Variants in PRKDC observed in about 807,000 individuals in gnomAD.
PRKDC encodes the protein DNA-dependent protein kinase catalytic subunit.
Under a neutral mutation model 486.9 loss-of-function variants are expected in PRKDC, and 82 were observed. That is an observed-to-expected ratio of 0.17 (90% confidence interval 0.14 to 0.20). PRKDC has a LOEUF of 0.20. Ranked by LOEUF, PRKDC falls within the 10% of genes least tolerant of loss-of-function variation. The pLI, the probability that PRKDC is intolerant of heterozygous loss-of-function variation, is 1.00. For synonymous variants in PRKDC, 1,895 were observed against 1,837.0 expected, an observed-to-expected ratio of 1.03 and a Z score of -0.81; for missense variants, 4,504 against 5,038.2, an observed-to-expected ratio of 0.89 and a Z score of 3.21.
At chr8:47,818,832 A>G (rs2087514202) in intron 67 of PRKDC, among the ~76,000 whole-genome samples, 1 of 152,244 alleles carries the variant, frequency 6.6e-6, no homozygotes, top group Non-Finnish European at 1.5e-5. Context: ...TTAACAAACA[A>G]AACATTTTAC....
At chr8:47,791,982 G>A (rs956185826) in intron 74 of PRKDC, among the ~76,000 whole-genome samples, 3 of 152,094 alleles carry the variant, frequency 2.0e-5, no homozygotes, top group Non-Finnish European at 4.4e-5. Context: ...AGAAAATGCA[G>A]TACATACATG....
intron 64 of PRKDC, among the ~76,000 whole-genome samples, chr8:47,822,682 C>A (rs529901697): frequency 6.6e-6 from 1 of 151,686 alleles, no homozygotes; most frequent in South Asian, 2.1e-4. Context: ...CCCAGCTACT[C>A]GGGAGGCTGA....
At chr8:47,955,799 A>C in intron 4 of PRKDC, 75 bp downstream of exon 4, 1 of 1,233,510 alleles carries the variant, frequency 8.1e-7, no homozygotes, top group South Asian at 1.4e-5. Context: ...CACCCAAAAC[A>C]CAACTCAAAA....
intron 21 of PRKDC, among the ~76,000 whole-genome samples, chr8:47,919,391 A>G (rs901567930): frequency 3.9e-5 from 6 of 152,358 alleles, no homozygotes; most frequent in Admixed American, 3.9e-4. Flanking sequence ...AACCAGTTGT[A>G]ACATTTTACT....
intron 73 of PRKDC, among the ~76,000 whole-genome samples, chr8:47,796,196 C>G (rs2154498053): frequency 6.6e-6 from 1 of 151,982 alleles, no homozygotes; most frequent in African/African-American, 2.4e-5. Context: ...AAGAATTTTT[C>G]AAATTTTCAT....
At chr8:47,853,067 CAGAA>C (rs2088448368) in intron 51 of PRKDC, among the ~76,000 whole-genome samples, 2 of 152,198 alleles carry the variant, frequency 1.3e-5, no homozygotes, top group South Asian at 2.1e-4. Flanking sequence ...GGTGCAGTGA[CAGAA>C]AGAGCTACTA....
chr8:47,903,102 AG>A (rs1219754114), intron 26 of PRKDC, among the ~76,000 whole-genome samples: 15 of 152,232 alleles, frequency 9.9e-5, no homozygotes, highest in Admixed American at 9.8e-4. Context: ...CTGAAAAAAA[AG>A]AAAATGGCTA....
intron 40 of PRKDC, among the ~76,000 whole-genome samples, chr8:47,868,989 T>G (rs1358609189): frequency 1.3e-5 from 2 of 152,158 alleles, no homozygotes; most frequent in African/African-American, 4.8e-5. Flanking sequence ...CCAGCCCTAA[T>G]CAGAAGCAAA....
At chr8:47,833,702 C>T (rs533117154) in intron 59 of PRKDC, among the ~76,000 whole-genome samples, 8 of 152,292 alleles carry the variant, frequency 5.3e-5, no homozygotes, top group Non-Finnish European at 1.2e-4. Flanking sequence ...TAGCATGCCC[C>T]GAAGCGTCCC....
chr8:47,786,691 T>C (rs879532876), intron 76 of PRKDC, among the ~76,000 whole-genome samples: 17 of 151,270 alleles, frequency 1.1e-4, no homozygotes, highest in African/African-American at 3.4e-4. Flanking sequence ...GCTATTATTT[T>C]GGGTAATAAA....
In PRKDC at chr8:47,863,585, A is replaced by G; in HGVS notation, c.5572-8T>C. On this transcript the variant is annotated splice_region_variant and splice_polypyrimidine_tract_variant and intron_variant, in intron 41 of 85. Transcript: ENST00000314191. ...AAAGGTAGATTCATTTAGCTTCAAA[A>G]AGGTAAAAAATAATTATCTTTGGTC... The G allele has an allele frequency of 6.3e-7, 1 of 1,594,920 alleles. No individual in the cohort carries two copies. The highest frequency in any genetic ancestry group is 8.6e-7 in the Non-Finnish European group (1 of 1,166,520).
intron 54 of PRKDC, among the ~76,000 whole-genome samples, chr8:47,842,086 C>T (rs1252961148): frequency 6.6e-6 from 1 of 152,172 alleles, no homozygotes; most frequent in Non-Finnish European, 1.5e-5. Flanking sequence ...CAGTGGGCCT[C>T]TGGAATGCTG....
chr8:47,939,567 T>C lies in PRKDC; in HGVS notation c.1097A>G (p.Tyr366Cys), dbSNP rs778978025. 1.2e-6 allele frequency: 2 copies of C among 1,613,122 alleles called. No homozygotes were observed. Among genetic ancestry groups the C allele is most frequent in the Non-Finnish European group, 1.7e-6 (2 of 1,179,600 alleles). The part of the protein sequence containing the change: ...NKELSIAIRG[Y>C]GLFAGPCKVI... Reference sequence around the variant, plus strand: ...GAGACATACTCCTGCAAAAAGTCCATATCCACGGATAGCAATAGATAACTC... The same window carrying C: ...GAGACATACTCCTGCAAAAAGTCCACATCCACGGATAGCAATAGATAACTC... Residue 366 changes from tyrosine (Y) to cysteine (C), a missense_variant, in exon 11 of 86, where the codon TAT (tyrosine) becomes TGT (cysteine). Tyr to Cys is a radical substitution (Grantham distance 194). Around this residue, in one of 6 missense-constraint regions of PRKDC, gnomAD observed 1,969 missense variants for 2,068.9 expected, o/e 0.95. Transcript: ENST00000314191.
At chr8:47,792,100 C>T (rs1222860505) in intron 74 of PRKDC, among the ~76,000 whole-genome samples, 2 of 152,000 alleles carry the variant, frequency 1.3e-5, no homozygotes, top group East Asian at 3.8e-4. Context: ...AGAAAAACTT[C>T]ACATGTTCTT....
chr8:47,927,446 C>T (rs537222636), intron 20 of PRKDC, 93 bp from the exon 21 acceptor site: 589 of 1,378,904 alleles, frequency 4.3e-4, no homozygotes, highest in African/African-American at 2.5e-3. Context: ...CTAATTAATA[C>T]TCCTTTTTAT....
chr8:47,775,594 T>A (rs191019823), intron 85 of PRKDC, among the ~76,000 whole-genome samples: 7 of 151,892 alleles, frequency 4.6e-5, no homozygotes, highest in Non-Finnish European at 1.0e-4. Context: ...AGAGTTTTTT[T>A]AATGTATTCT....
chr8:47,931,538 G>A (rs1264896574), intron 16 of PRKDC, among the ~76,000 whole-genome samples: 1 of 151,624 alleles, frequency 6.6e-6, no homozygotes, highest in East Asian at 1.9e-4. Context: ...CATTTGCAAA[G>A]CACAGAGAGC....
At chr8:47,842,237 G>A (rs1326666467) in intron 54 of PRKDC, among the ~76,000 whole-genome samples, 4 of 152,134 alleles carry the variant, frequency 2.6e-5, no homozygotes, top group Admixed American at 2.6e-4. Context: ...GCCTGGGAAT[G>A]AACTTGGTGA....
chr8:47,879,997 C>G (rs1204301749), intron 38 of PRKDC, among the ~76,000 whole-genome samples: 1 of 152,112 alleles, frequency 6.6e-6, no homozygotes, highest in East Asian at 1.9e-4. Flanking sequence ...AGGCGCCTGC[C>G]ACTATGCCTG....
Sources: allele counts gnomAD v4.1 joint callset (sites outside exome capture counted in the v4.1 genomes callset), GRCh38; gene constraint gnomAD v4.1.1; regional missense constraint gnomAD v4.1.1; transcripts MANE v1.5; gene names NCBI Gene and HGNC (gene_info 2026-07-23, HGNC 2026-07-21).